The following PWWP3B variants were observed in gnomAD, a reference collection of about 807,000 sequenced individuals.
PWWP3B encodes PWWP domain-containing DNA repair factor 3B.
In PWWP3B, 5 loss-of-function variants were observed where a neutral mutation model predicts 15.7. The ratio of observed to expected loss-of-function variants is 0.32; its 90% CI spans 0.17 to 0.67. PWWP3B has a LOEUF of 0.67. Ranked by LOEUF, PWWP3B falls within the 30% of genes least tolerant of loss-of-function variation. The pLI, the probability that PWWP3B is intolerant of heterozygous loss-of-function variation, is 0.74. For synonymous variants in PWWP3B, 203 were observed against 179.8 expected (o/e 1.13, Z -1.03); for missense variants, 519 against 493.1 (o/e 1.05, Z -0.50).
At chrX:106,180,577 G>A (rs1224936820) in intron 2 of PWWP3B, among the ~76,000 whole-genome samples, 7 of 111,626 alleles carry the variant, frequency 6.3e-5, no homozygotes, top group African/African-American at 2.3e-4. Context: ...TTTTCAGGGA[G>A]GCATGAACAA....
intron 2 of PWWP3B, among the ~76,000 whole-genome samples, chrX:106,191,178 C>T (rs1300265378): frequency 1.8e-5 from 2 of 110,907 alleles, no homozygotes; most frequent in African/African-American, 6.6e-5. Context: ...TACCCATGAG[C>T]ATGGAATGTT....
chrX:106,180,912 C>G (rs747092876), intron 2 of PWWP3B, among the ~76,000 whole-genome samples: 1 of 112,195 alleles, frequency 8.9e-6, no homozygotes, highest in African/African-American at 3.2e-5. Context: ...CTCCAGTCCA[C>G]TAATAAAGTC....
intron 2 of PWWP3B, among the ~76,000 whole-genome samples, chrX:106,183,877 C>A (rs1298440005): frequency 8.9e-6 from 1 of 112,477 alleles, no homozygotes; most frequent in African/African-American, 3.2e-5. Flanking sequence ...CTGTTTGGGG[C>A]TTCTGGCCCA....
rs1007604219 is a variant in PWWP3B, at chrX:106,171,520, G to A, written c.-401+381G>A. ...TAGTTATAAAGGTTTCTTAGAACCT[G>A]CTTAAGGTCTTATGACCTTCTTGAA... On this transcript the variant is annotated intron_variant, in intron 2 of 3. Transcript: ENST00000357175. Among the ~76,000 whole-genome samples, 43 of 111,655 alleles carry A rather than the reference G, an allele frequency of 3.9e-4. No individual in the cohort carries two copies. The Admixed American group carries it at 4.1e-3, about 11-fold the overall frequency.
At chrX:106,201,077 A>G (rs1384858763) in intron 2 of PWWP3B, among the ~76,000 whole-genome samples, 2 of 110,976 alleles carry the variant, frequency 1.8e-5, no homozygotes, top group Non-Finnish European at 3.8e-5. Flanking sequence ...AATAAAAAAT[A>G]AAAATAAAAA....
chrX:106,196,752 CTTTA>C, intron 2 of PWWP3B, among the ~76,000 whole-genome samples: 1 of 111,890 alleles, frequency 8.9e-6, no homozygotes, highest in Non-Finnish European at 1.9e-5. Context: ...CTGAAGTTTT[CTTTA>C]TTTGTTATTT....
chrX:106,189,931 T>C (rs1289736445), intron 2 of PWWP3B, among the ~76,000 whole-genome samples: 3 of 112,911 alleles, frequency 2.7e-5, no homozygotes, highest in Non-Finnish European at 5.6e-5. Context: ...ATTTTCTTAA[T>C]CCAGTCTATC....
intron 2 of PWWP3B, among the ~76,000 whole-genome samples, chrX:106,186,585 C>T (rs1484593097): frequency 9.0e-6 from 1 of 111,250 alleles, no homozygotes; most frequent in Non-Finnish European, 1.9e-5. Flanking sequence ...GAGTTGGTTC[C>T]TTCTGGTGGG....
chrX:106,171,778 G>A (rs991208336), intron 2 of PWWP3B, among the ~76,000 whole-genome samples: 1 of 109,821 alleles, frequency 9.1e-6, no homozygotes, highest in Non-Finnish European at 1.9e-5. Context: ...AATACTATAA[G>A]CAGTTGCAAC....
intron 3 of PWWP3B, 54 bp downstream of exon 3, chrX:106,204,224 T>C (rs1452516867): frequency 8.9e-6 from 1 of 112,381 alleles, no homozygotes; most frequent in Non-Finnish European, 1.9e-5. Context: ...TGTTGAGAAC[T>C]TGGAGAATAA....
intron 2 of PWWP3B, among the ~76,000 whole-genome samples, chrX:106,194,956 G>C (rs762382416): frequency 9.0e-6 from 1 of 111,568 alleles, no homozygotes; most frequent in Non-Finnish European, 1.9e-5. Context: ...CCCCTACTGG[G>C]GGGTGCCTCC....
At chrX:106,197,928 G>T in intron 2 of PWWP3B, among the ~76,000 whole-genome samples, 1 of 111,412 alleles carries the variant, frequency 9.0e-6, no homozygotes. Context: ...AAGTGTAACT[G>T]GTGCTTTTGA....
At chrX:106,181,100 A>C (rs1000175525) in intron 2 of PWWP3B, among the ~76,000 whole-genome samples, 3 of 112,114 alleles carry the variant, frequency 2.7e-5, no homozygotes, top group African/African-American at 9.7e-5. Context: ...TGGTGTGTCC[A>C]GAGTTGGTTC....
intron 2 of PWWP3B, among the ~76,000 whole-genome samples, chrX:106,191,053 TTAAAG>T (rs1454617028): frequency 1.8e-5 from 2 of 109,913 alleles, no homozygotes; most frequent in African/African-American, 3.3e-5. Flanking sequence ...CATATGAACT[TTAAAG>T]TAGTTTTTTC....
intron 2 of PWWP3B, among the ~76,000 whole-genome samples, chrX:106,199,192 G>A (rs915078572): frequency 3.6e-5 from 4 of 109,655 alleles, no homozygotes; most frequent in African/African-American, 6.6e-5. Context: ...GGGACTACAG[G>A]CACCCGCCAC....
At position 106,206,985 on chromosome X, in the gene PWWP3B, A is replaced by G. The variant is rs1389218951; in HGVS notation, c.1553A>G (p.His518Arg). 3.2e-5 allele frequency: 39 copies of G among 1,209,371 alleles called. No homozygotes were observed. The highest frequency in any genetic ancestry group is 4.0e-5 in the Non-Finnish European group (36 of 894,903). Residue 518 changes from histidine to arginine, a missense_variant, in exon 4 of 4, where the codon CAT (histidine) becomes CGT (arginine). His to Arg is a conservative substitution (Grantham distance 29). Coordinates refer to ENST00000357175, the MANE Select transcript of PWWP3B (RefSeq NM_001171020.2). ...DTFRNKFPKL[H>R]NEDAREPMAV... ...TTCAGGAACAAATTTCCAAAGCTGCATAATGAAGATGCCAGGGAACCGATG... is the reference window on the plus strand; with the variant it reads ...TTCAGGAACAAATTTCCAAAGCTGCGTAATGAAGATGCCAGGGAACCGATG...
At chrX:106,203,395 T>C (rs886502586) in intron 2 of PWWP3B, among the ~76,000 whole-genome samples, 3 of 111,678 alleles carry the variant, frequency 2.7e-5, no homozygotes, top group Non-Finnish European at 5.6e-5. Context: ...AGAAGACTCC[T>C]GGCTAGCTGT....
chrX:106,192,451 G>C (rs1478799331), intron 2 of PWWP3B, among the ~76,000 whole-genome samples: 1 of 110,607 alleles, frequency 9.0e-6, no homozygotes, highest in Non-Finnish European at 1.9e-5. Flanking sequence ...TATTAGTCTT[G>C]GTAGCGGTCT....
chrX:106,204,358 T>C (rs747618399), intron 3 of PWWP3B, among the ~76,000 whole-genome samples, 188 bp downstream of exon 3: 21 of 112,459 alleles, frequency 1.9e-4, no homozygotes, highest in Admixed American at 4.7e-4. Flanking sequence ...TCTGCAGCCA[T>C]GACACTTTAT....
Sources: gnomAD v4.1 joint callset for allele counts (sites outside exome capture counted in the v4.1 genomes callset) on GRCh38, gnomAD v4.1.1 for gene constraint, MANE v1.5 for transcripts, NCBI Gene and HGNC (gene_info 2026-07-23, HGNC 2026-07-21) for gene names.